The following CBX5 variants were observed in gnomAD, a reference collection of about 807,000 sequenced individuals.
CBX5 encodes chromobox 5.
In CBX5, 7 loss-of-function variants were observed where a neutral mutation model predicts 20.7. The ratio of observed to expected loss-of-function variants is 0.34; its 90% confidence interval spans 0.19 to 0.63. The LOEUF (loss-of-function observed/expected upper bound fraction) is 0.63, where lower values mean the gene tolerates loss of function less well. Ranked by LOEUF, CBX5 falls within the 30% of genes least tolerant of loss-of-function variation. CBX5 has a pLI of 0.75. For synonymous variants in CBX5, 78 were observed against 77.0 expected (o/e 1.01, Z -0.07); for missense variants, 110 against 224.1 (o/e 0.49, Z 3.25).
At chr12:54,264,028 G>A (rs551700437) in intron 1 of CBX5, among the ~76,000 whole-genome samples, 12 of 152,164 alleles carry the variant, frequency 7.9e-5, no homozygotes, top group East Asian at 3.9e-4. Flanking sequence ...GGGAGACAGC[G>A]TGAGACTCCG....
At chr12:54,247,389 C>G (rs1440331034) in intron 3 of CBX5, among the ~76,000 whole-genome samples, 2 of 152,090 alleles carry the variant, frequency 1.3e-5, no homozygotes, top group African/African-American at 2.4e-5. Flanking sequence ...TAGCTGGGCA[C>G]AGTGATGCAC....
chr12:54,253,019 T>G (rs1305510337), intron 2 of CBX5, among the ~76,000 whole-genome samples: 1 of 147,904 alleles, frequency 6.8e-6, no homozygotes, highest in Non-Finnish European at 1.5e-5. Context: ...AGTGAATGCC[T>G]GGGGCTGAGG....
At chr12:54,245,352 T>C (rs923970362) in intron 4 of CBX5, among the ~76,000 whole-genome samples, 7 of 152,160 alleles carry the variant, frequency 4.6e-5, no homozygotes, top group African/African-American at 9.7e-5. Flanking sequence ...TTTTCTGATA[T>C]GTAGTACTAT....
At chr12:54,246,527 A>T (rs1011427379) in intron 3 of CBX5, among the ~76,000 whole-genome samples, 2 of 152,184 alleles carry the variant, frequency 1.3e-5, no homozygotes, top group African/African-American at 4.8e-5. Flanking sequence ...CACGCCTGTA[A>T]TCTCAGCACT....
At chr12:54,243,679 G>A (rs1341174982) in intron 4 of CBX5, among the ~76,000 whole-genome samples, 1 of 152,106 alleles carries the variant, frequency 6.6e-6, no homozygotes, top group East Asian at 1.9e-4. Flanking sequence ...GACCAGCCTG[G>A]CCAACATGAT....
chr12:54,248,524 C>T (rs1462616833), intron 3 of CBX5, among the ~76,000 whole-genome samples: 12 of 152,100 alleles, frequency 7.9e-5, no homozygotes, highest in Non-Finnish European at 1.8e-4. Context: ...GAAGGACATT[C>T]CACGCGTGGA....
chr12:54,249,075 T>A (rs978798678), intron 3 of CBX5, among the ~76,000 whole-genome samples: 2 of 152,096 alleles, frequency 1.3e-5, no homozygotes, highest in Admixed American at 1.3e-4. Flanking sequence ...CTGCTCCTTT[T>A]TAAAAATGAC....
At chr12:54,258,630 C>T (rs948052758) in intron 1 of CBX5, among the ~76,000 whole-genome samples, 1 of 152,218 alleles carries the variant, frequency 6.6e-6, no homozygotes. Context: ...CAGAAATATG[C>T]ACACCAGGGG....
At chr12:54,263,762 CAAAAA>C (rs66591051) in intron 1 of CBX5, among the ~76,000 whole-genome samples, 1 of 37,886 alleles carries the variant, frequency 2.6e-5, no homozygotes, top group Non-Finnish European at 5.1e-5. Flanking sequence ...GACTCTATCT[CAAAAA>C]AAAAAAAAAA....
At chr12:54,247,364 A>G (rs1451462040) in intron 3 of CBX5, among the ~76,000 whole-genome samples, 2 of 152,196 alleles carry the variant, frequency 1.3e-5, no homozygotes, top group Non-Finnish European at 2.9e-5. Context: ...AACATGGGCA[A>G]CTGTCTCTGC....
rs1943627397 is a variant in CBX5, at chr12:54,236,767, T to C, written c.*4988A>G. 6.6e-6 allele frequency: 1 copy of C among 152,192 alleles called. No homozygotes were observed. The highest frequency in any genetic ancestry group is 2.1e-4 in the South Asian group (1 of 4,828). The allele number at this position is 152,192 out of a possible 1,614,324, so 9.4% of individuals were successfully genotyped here. A position where few individuals can be genotyped will look rare whatever the true frequency, so the allele number is the denominator to read the frequency against. On this transcript the variant is annotated 3_prime_UTR_variant, in exon 5 of 5. Coordinates refer to ENST00000209875, the MANE Select transcript of CBX5 (RefSeq NM_012117.3). ...CATGACATTGCAAAGTAGTATTTTA[T>C]GCCCTCAAAACTGAACCTTAAGGTA... is the stretch of plus-strand genomic sequence containing the variant.
In CBX5 at chr12:54,243,367, G is replaced by T. The variant is rs116138839; in HGVS notation, c.426-1462C>A. The stretch of plus-strand genomic sequence containing the variant: ...GAGGTGAGAAAAGCACTTGAGCCCG[G>T]GGCAACATAGGAAGACCTGGTCTCT... On this transcript the variant is annotated intron_variant, in intron 4 of 4. Transcript: ENST00000209875. Among the ~76,000 whole-genome samples, 680 of 152,142 alleles carry T rather than the reference G, an allele frequency of 4.5e-3. 6 individuals are homozygous for T. The highest frequency in any genetic ancestry group is 0.016 in the African/African-American group (650 of 41,500).
chr12:54,261,925 T>C (rs555542866), intron 1 of CBX5, among the ~76,000 whole-genome samples: 4 of 152,182 alleles, frequency 2.6e-5, no homozygotes, highest in Non-Finnish European at 5.9e-5. Flanking sequence ...TGTAAAAATA[T>C]GTCAGGGCTG....
chr12:54,245,828 A>G (rs948335576), intron 4 of CBX5, among the ~76,000 whole-genome samples: 1 of 152,006 alleles, frequency 6.6e-6, no homozygotes, highest in Admixed American at 6.6e-5. Context: ...AAATACAAAA[A>G]TTAGCCAGGC....
rs367823593 is a variant in CBX5, at chr12:54,279,662, A to G, written c.-43+346T>C. 7.9e-5 allele frequency among the ~76,000 whole-genome samples: 12 copies of G among 152,170 alleles called. No homozygotes were observed. The East Asian group carries it at 2.1e-3, about 27-fold the overall frequency. On this transcript the variant is annotated intron_variant, in intron 1 of 4. Coordinates refer to ENST00000209875, the MANE Select transcript of CBX5 (RefSeq NM_012117.3). ...GGAGTCAAACCGCTGCCTCCTGGAG[A>G]AGCCCAACCTACCGCGCGCTTCCTG...
At chr12:54,275,545 T>C (rs2137033494) in intron 1 of CBX5, among the ~76,000 whole-genome samples, 1 of 152,132 alleles carries the variant, frequency 6.6e-6, no homozygotes, top group Middle Eastern at 3.4e-3. Context: ...CCAGGCAGTA[T>C]GTCTCTAAGT....
intron 1 of CBX5, among the ~76,000 whole-genome samples, chr12:54,266,798 C>T (rs905420254): frequency 6.6e-6 from 1 of 151,622 alleles, no homozygotes; most frequent in Non-Finnish European, 1.5e-5. Flanking sequence ...TTTTTTTCAC[C>T]CTCTTATTAA....
rs1943678111 is a variant in CBX5 at position 54,241,659 on chromosome 12, A to T, written c.*96T>A. The T allele has an allele frequency of 1.7e-6, 2 of 1,161,438 alleles. No individual in the cohort carries two copies. Among genetic ancestry groups the T allele is most frequent in the Non-Finnish European group, 2.4e-6 (2 of 817,418 alleles). The allele number at this position is 1,161,438 out of a possible 1,614,324, so 71.9% of individuals were successfully genotyped here. On this transcript the variant is annotated 3_prime_UTR_variant, in exon 5 of 5. Coordinates refer to ENST00000209875, the MANE Select transcript of CBX5 (RefSeq NM_012117.3). ...ACAGTGATAAGCACATTTTTTATGG[A>T]TGTGTTTAGGATAGAAAGGGGTGGG...
In CBX5 at chr12:54,246,218, A is replaced by G. The variant is rs377372939; in HGVS notation, c.325-3T>C. The G allele has an allele frequency of 2.5e-6, 4 of 1,605,170 alleles. No homozygotes were observed. Among genetic ancestry groups the G allele is most frequent in the Non-Finnish European group, 3.4e-6 (4 of 1,172,164 alleles). The stretch of plus-strand genomic sequence containing the variant: ...CCCCGAGCGATATCATTGCTCTGCT[A>G]TAAATAGAAGATAAAGAAAGGTTAC... On this transcript the variant is annotated splice_polypyrimidine_tract_variant and splice_region_variant and intron_variant, in intron 3 of 4. Coordinates refer to ENST00000209875, the MANE Select transcript of CBX5 (RefSeq NM_012117.3).
Sources: gnomAD v4.1 joint callset for allele counts (sites outside exome capture counted in the v4.1 genomes callset) on GRCh38, gnomAD v4.1.1 for gene constraint, MANE v1.5 for transcripts, NCBI Gene and HGNC (gene_info 2026-07-23, HGNC 2026-07-21) for gene names.